The following DHDDS variants were observed in gnomAD, a reference collection of about 807,000 sequenced individuals.
DHDDS encodes dehydrodolichyl diphosphate synthase subunit, also known as dehydrodolichyl diphosphate synthase complex subunit DHDDS.
A neutral mutation model predicts 46.2 loss-of-function variants in DHDDS; 16 were observed. That is an observed-to-expected ratio of 0.35 (90% CI 0.23 to 0.53). The LOEUF is 0.53. Among genes scored for constraint, DHDDS ranks in the 20% least tolerant of loss-of-function variants. The pLI is 0.94. For missense variants in DHDDS, 340 were observed against 423.7 expected, an observed-to-expected ratio of 0.80 and a Z score of 1.73; for synonymous variants, 151 against 163.1, an observed-to-expected ratio of 0.93 and a Z score of 0.56.
Position 26,469,358 on chromosome 1 carries a change from C to T in DHDDS, c.*227C>T. 1 of 734,324 alleles carries T rather than the reference C, an allele frequency of 1.4e-6. No homozygotes were observed. The highest frequency in any genetic ancestry group is 2.2e-6 in the Non-Finnish European group (1 of 451,120). 45.5% of individuals were successfully genotyped at this position (734,324 alleles called of 1,614,324 possible). A position where few individuals can be genotyped will look rare whatever the true frequency, so the allele number is the denominator to read the frequency against. ...AAAGTCTCCCACGAGTACACTAAACCTAGGTCTGGTCACCAATAGGGTTTG... is the reference window on the plus strand; with the variant it reads ...AAAGTCTCCCACGAGTACACTAAACTTAGGTCTGGTCACCAATAGGGTTTG... On this transcript the variant is annotated 3_prime_UTR_variant, in exon 9 of 9. Coordinates refer to ENST00000236342, the MANE Select transcript of DHDDS (RefSeq NM_205861.3).
intron 3 of DHDDS, among the ~76,000 whole-genome samples, chr1:26,441,732 TA>T (rs1272134857): frequency 1.3e-5 from 2 of 151,644 alleles, no homozygotes; most frequent in Middle Eastern, 3.2e-3. Flanking sequence ...CCATCTCTAC[TA>T]AAAATACAAA....
chr1:26,433,031 G>T, intron 2 of DHDDS, 23 bp downstream of exon 2: 1 of 1,613,940 alleles, frequency 6.2e-7, no homozygotes, highest in Non-Finnish European at 8.5e-7. Context: ...CCAGAGCACC[G>T]GTTGGCCTTC....
At chr1:26,455,516 G>T (rs943761701) in intron 6 of DHDDS, among the ~76,000 whole-genome samples, 1 of 152,146 alleles carries the variant, frequency 6.6e-6, no homozygotes, top group Non-Finnish European at 1.5e-5. Flanking sequence ...GGAGGCCGAG[G>T]CAGGCAGATC....
At chr1:26,459,465 A>T (rs985581087) in intron 7 of DHDDS, among the ~76,000 whole-genome samples, 1 of 152,204 alleles carries the variant, frequency 6.6e-6, no homozygotes, top group Admixed American at 6.6e-5. Flanking sequence ...TCTAAACAGT[A>T]CCCTGAAAAT....
chr1:26,440,118 A>G (rs968078755), intron 3 of DHDDS, among the ~76,000 whole-genome samples: 7 of 152,244 alleles, frequency 4.6e-5, no homozygotes. Flanking sequence ...CCGCCTGGGC[A>G]ACAGAGTGAG....
At chr1:26,438,413 C>T in intron 3 of DHDDS, 129 bp downstream of exon 3, 2 of 892,414 alleles carry the variant, frequency 2.2e-6, no homozygotes, top group East Asian at 5.1e-5. Context: ...TTATTGTTTG[C>T]TTGCTAGCTA....
At position 26,469,369 on chromosome 1, in the gene DHDDS, C is replaced by T. The variant is rs1321632653; in HGVS notation, c.*238C>T. ...CGAGTACACTAAACCTAGGTCTGGT[C>T]ACCAATAGGGTTTGGAGAGCAAAGG... On this transcript the variant is annotated 3_prime_UTR_variant, in exon 9 of 9. Transcript: ENST00000236342. 2.1e-5 allele frequency: 14 copies of T among 679,580 alleles called. No individual in the cohort carries two copies. The East Asian group carries it at 3.9e-4, about 19-fold the overall frequency. The allele number at this position is 679,580 out of a possible 1,614,324, so 42.1% of individuals were successfully genotyped here.
chr1:26,469,257 G>C lies in DHDDS; in HGVS notation c.*126G>C. The C allele has an allele frequency of 1.3e-6, 2 of 1,560,308 alleles. No individual in the cohort carries two copies. Among genetic ancestry groups the C allele is most frequent in the Non-Finnish European group, 1.7e-6 (2 of 1,154,322 alleles). On this transcript the variant is annotated 3_prime_UTR_variant, in exon 9 of 9. Transcript: ENST00000236342. Reference sequence around the variant, plus strand: ...GGTGTTCCCTTTGCTTGGCTGGGGAGCCCCCCAGGCCAGGTTTGCTGGCCA... The same window carrying C: ...GGTGTTCCCTTTGCTTGGCTGGGGACCCCCCCAGGCCAGGTTTGCTGGCCA...
At chr1:26,460,223 A>T in intron 8 of DHDDS, 79 bp downstream of exon 8, 1 of 1,107,120 alleles carries the variant, frequency 9.0e-7, no homozygotes, top group Admixed American at 1.7e-5. Context: ...ACCTTACTAT[A>T]TACCAGGCAC....
In DHDDS at chr1:26,449,244, G is replaced by A. The variant is rs944972954; in HGVS notation, c.542+1584G>A. ...TTCCCAAGTAGCTGGGATTACAGGC[G>A]CCCACCACCGTGCCCAGCTAATTTT... On this transcript the variant is annotated intron_variant, in intron 6 of 8. Coordinates refer to ENST00000236342, the MANE Select transcript of DHDDS (RefSeq NM_205861.3). 4.6e-5 allele frequency among the ~76,000 whole-genome samples: 7 copies of A among 151,674 alleles called. No homozygotes were observed. In the South Asian group the frequency reaches 1.3e-3, roughly 27 times the overall value.
Position 26,470,833 on chromosome 1 carries a change from A to G in DHDDS, c.*1702A>G, listed in dbSNP as rs1332141030. 6.5e-6 allele frequency: 1 copy of G among 152,872 alleles called. No homozygotes were observed. Among genetic ancestry groups the G allele is most frequent in the East Asian group, 1.9e-4 (1 of 5,188 alleles). The allele number at this position is 152,872 out of a possible 1,614,324, so 9.5% of individuals were successfully genotyped here. ...GGCATGAATTATGCGGCTATAATGC[A>G]GAGCCCTACAATTAAGGCGGGAATG... is the stretch of plus-strand genomic sequence containing the variant. On this transcript the variant is annotated 3_prime_UTR_variant, in exon 9 of 9. Transcript: ENST00000236342.
intron 8 of DHDDS, chr1:26,467,673 C>A: frequency 4.5e-6 from 1 of 221,722 alleles, no homozygotes; most frequent in African/African-American, 2.2e-5. Flanking sequence ...AAGGTGCTTA[C>A]AGGCTGATTA....
At chr1:26,468,807 C>CCGT in intron 8 of DHDDS, 88 bp from the exon 9 acceptor site, 1 of 1,186,218 alleles carries the variant, frequency 8.4e-7, no homozygotes, top group Non-Finnish European at 1.2e-6. Flanking sequence ...TTGGCCCACC[C>CCGT]TGTGCCCCAC....
chr1:26,469,114 G>T lies in DHDDS; in HGVS notation c.985G>T (p.Gly329Cys). 1 of 1,612,204 alleles carries T rather than the reference G, an allele frequency of 6.2e-7. No individual in the cohort carries two copies. Among genetic ancestry groups the T allele is most frequent in the Non-Finnish European group, 8.5e-7 (1 of 1,180,036 alleles). Residue 329 changes from glycine to cysteine, a missense_variant, in exon 9 of 9, where the codon GGC becomes TGC. Coordinates refer to ENST00000236342, the MANE Select transcript of DHDDS (RefSeq NM_205861.3). ...LKRADWLARL[G>C]TASA Reference sequence around the variant, plus strand: ...GCGAGCTGACTGGCTGGCCCGTCTGGGCACTGCATCAGCCTGAATGAGGCT... The same window carrying T: ...GCGAGCTGACTGGCTGGCCCGTCTGTGCACTGCATCAGCCTGAATGAGGCT...
chr1:26,456,365 C>G (rs987638881), intron 6 of DHDDS, among the ~76,000 whole-genome samples: 1 of 151,696 alleles, frequency 6.6e-6, no homozygotes, highest in African/African-American at 2.4e-5. Flanking sequence ...GAGGGAGACC[C>G]TGTCTGGAAA....
intron 5 of DHDDS, 104 bp from the exon 6 acceptor site, chr1:26,447,455 T>G: frequency 1.1e-6 from 1 of 895,100 alleles, no homozygotes; most frequent in Non-Finnish European, 1.8e-6. Context: ...TTGATGTGTA[T>G]TTGTTTTTCT....
chr1:26,445,408 G>T lies in DHDDS; in HGVS notation c.324-908G>T, dbSNP rs140999462. On this transcript the variant is annotated intron_variant, in intron 4 of 8. Transcript: ENST00000236342. ...AAAAGGACACATGAGGTCGTGTAAT[G>T]TATAGTAAAGAGTTTGGGTTCTTGC... Among the ~76,000 whole-genome samples, 11 of 152,300 alleles carry T rather than the reference G, an allele frequency of 7.2e-5. No individual in the cohort carries two copies. The East Asian group carries it at 1.7e-3, about 24-fold the overall frequency.
intron 8 of DHDDS, among the ~76,000 whole-genome samples, chr1:26,465,628 T>C (rs1442040109): frequency 6.6e-6 from 1 of 152,216 alleles, no homozygotes; most frequent in Non-Finnish European, 1.5e-5. Context: ...TTCAGTAAGC[T>C]AACACATGTC....
At position 26,469,303 on chromosome 1, in the gene DHDDS, G is replaced by GTCCCA; in HGVS notation, c.*172_*173insTCCCA. 8.1e-7 allele frequency: 1 copy of GTCCCA among 1,241,160 alleles called. No individual in the cohort carries two copies. Among genetic ancestry groups the GTCCCA allele is most frequent in the Non-Finnish European group, 1.1e-6 (1 of 884,956 alleles). 76.9% of individuals were successfully genotyped at this position (1,241,160 alleles called of 1,614,324 possible). On this transcript the variant is annotated 3_prime_UTR_variant, in exon 9 of 9. Coordinates refer to ENST00000236342, the MANE Select transcript of DHDDS (RefSeq NM_205861.3). ...GGCCATAGATACCTTTGGGCTGCCTGGGACAGGCTCCTGAGGAGGATTGAG... is the reference window on the plus strand; with the variant it reads ...GGCCATAGATACCTTTGGGCTGCCTGTCCCAGGACAGGCTCCTGAGGAGGATTGAG...
Sources: gnomAD v4.1 joint callset for allele counts (sites outside exome capture counted in the v4.1 genomes callset) on GRCh38, gnomAD v4.1.1 for gene constraint, MANE v1.5 for transcripts, NCBI Gene and HGNC (gene_info 2026-07-23, HGNC 2026-07-21) for gene names.